MEGF6: variants seen among roughly 807,000 people sequenced by gnomAD.
MEGF6 encodes the protein multiple EGF like domains 6, also known as multiple epidermal growth factor-like domains protein 6.
In MEGF6, 184 loss-of-function variants were observed where a neutral mutation model predicts 207.1. That is an observed-to-expected ratio of 0.89 (90% confidence interval 0.79 to 1.00). The LOEUF (loss-of-function observed/expected upper bound fraction) is 1.00. Ranked by LOEUF, MEGF6 falls within the 50% of genes least tolerant of loss-of-function variation. The pLI is 0.00. For synonymous variants in MEGF6, 1,038 were observed against 910.0 expected, an observed-to-expected ratio of 1.14 and a Z score of -2.53; for missense variants, 2,282 against 2,202.9, an observed-to-expected ratio of 1.04 and a Z score of -0.72.
intron 4 of MEGF6, among the ~76,000 whole-genome samples, chr1:3,570,983 C>T (rs374398543): frequency 2.0e-5 from 3 of 152,198 alleles, no homozygotes; most frequent in Non-Finnish European, 2.9e-5. Context: ...CCTATCTCCC[C>T]CTCTGAGCCG....
chr1:3,571,199 CAG>C (rs756510771), intron 4 of MEGF6, among the ~76,000 whole-genome samples: 2 of 152,050 alleles, frequency 1.3e-5, no homozygotes, highest in Non-Finnish European at 2.9e-5. Flanking sequence ...GTCCAGAAAC[CAG>C]AGAGTGCTCC....
chr1:3,597,932 T>C (rs1644094361), intron 2 of MEGF6, among the ~76,000 whole-genome samples: 1 of 152,176 alleles, frequency 6.6e-6, no homozygotes. Flanking sequence ...GAGGCCTTTG[T>C]GTTTGCAAGG....
At chr1:3,515,852 G>A (rs894910485) in intron 5 of MEGF6, among the ~76,000 whole-genome samples, 2 of 152,228 alleles carry the variant, frequency 1.3e-5, no homozygotes, top group African/African-American at 4.8e-5. Context: ...CCCCAGCACA[G>A]AACACTAAGC....
Position 3,511,596 on chromosome 1 carries a change from T to G in MEGF6, c.1068A>C (p.Thr356=), listed in dbSNP as rs2820999. 0.34 allele frequency: 542,241 copies of G among 1,611,598 alleles called. 100,409 individuals are homozygous for G. Among genetic ancestry groups the G allele is most frequent in the African/African-American group, 0.71 (52,995 of 74,942 alleles). ...CSHTSAGPLC[T]CPRGYELDTD... ...TGTCCAGCTCGTAGCCGCGGGGACA[T>G]GTGCACAGGGGCCCAGCACTGGTGT... Residue 356 remains threonine, a synonymous_variant, in exon 9 of 37, where the codon ACA becomes ACC. Transcript: ENST00000356575.
intron 5 of MEGF6, among the ~76,000 whole-genome samples, chr1:3,523,074 C>CG (rs146272853): frequency 0.2 from 29,293 of 147,822 alleles, 2,905 homozygotes; most frequent in East Asian, 0.29. Flanking sequence ...GAGTGTGTGC[C>CG]GGGGGGGGGG....
chr1:3,537,029 G>A (rs1223366386), intron 4 of MEGF6, among the ~76,000 whole-genome samples: 10 of 152,256 alleles, frequency 6.6e-5, no homozygotes, highest in African/African-American at 7.2e-5. Context: ...GGCTGTCCAC[G>A]CTGCCCTGGC....
At chr1:3,491,854 G>C (rs528542849) in intron 35 of MEGF6, among the ~76,000 whole-genome samples, 153 of 151,760 alleles carry the variant, frequency 1.0e-3, no homozygotes, top group Middle Eastern at 3.4e-3. Context: ...TGCAGGCAGA[G>C]AGCACATTCC....
intron 3 of MEGF6, among the ~76,000 whole-genome samples, chr1:3,582,059 C>T (rs953468104): frequency 9.2e-5 from 14 of 152,246 alleles, no homozygotes; most frequent in Non-Finnish European, 1.6e-4. Flanking sequence ...TCAAGGCAGG[C>T]GGAGCTGACT....
intron 3 of MEGF6, among the ~76,000 whole-genome samples, chr1:3,584,632 T>G (rs1643868947): frequency 1.3e-5 from 2 of 151,992 alleles, no homozygotes; most frequent in Admixed American, 6.5e-5. Context: ...CACACCAGAG[T>G]CCCAGGGCAG....
chr1:3,605,571 TA>T (rs1644236565), intron 1 of MEGF6, among the ~76,000 whole-genome samples: 5 of 150,960 alleles, frequency 3.3e-5, no homozygotes, highest in Admixed American at 6.6e-5. Context: ...TACACTCACA[TA>T]CACACACATA....
the MEGF6 span, among the ~76,000 whole-genome samples, chr1:3,617,621 C>T: frequency 6.6e-6 from 1 of 152,158 alleles, no homozygotes; most frequent in East Asian, 1.9e-4. Flanking sequence ...CACATGGACC[C>T]CTGAACTTAA....
upstream of MEGF6, among the ~76,000 whole-genome samples, chr1:3,615,622 C>T (rs1019706078): frequency 1.4e-4 from 21 of 152,234 alleles, no homozygotes; most frequent in Admixed American, 4.6e-4. Context: ...GGAAGCAGGC[C>T]GAATGGAGGT....
rs375706797 is a variant in MEGF6 at position 3,553,879 on chromosome 1, A to G, written c.481+25946T>C. 3.7e-3 allele frequency among the ~76,000 whole-genome samples: 568 copies of G among 152,264 alleles called. 1 individual carries two copies. The highest frequency in any genetic ancestry group is 0.027 in the South Asian group (131 of 4,826). On this transcript the variant is annotated intron_variant, in intron 4 of 36. Transcript: ENST00000356575. ...ACTTCTGGGAACAGGTGGGCCCGGG[A>G]GCACCCCGTTGGCCAGCACACCAGA... is the stretch of plus-strand genomic sequence containing the variant.
intron 2 of MEGF6, 112 bp downstream of exon 2, chr1:3,602,354 G>T: frequency 6.8e-7 from 1 of 1,474,106 alleles, no homozygotes; most frequent in Non-Finnish European, 9.2e-7. Context: ...GGGGTTGCGT[G>T]TGGCCCTGAG....
intron 2 of MEGF6, among the ~76,000 whole-genome samples, chr1:3,602,048 C>G (rs1307735538): frequency 6.6e-6 from 1 of 152,218 alleles, no homozygotes; most frequent in African/African-American, 2.4e-5. Flanking sequence ...CACAGGCACT[C>G]AAGTTCGGTG....
At chr1:3,500,826 G>A (rs745490605) in intron 20 of MEGF6, 62 bp from the exon 21 acceptor site, 20 of 1,594,326 alleles carry the variant, frequency 1.3e-5, no homozygotes, top group Admixed American at 3.4e-5. Context: ...CACCACAGCC[G>A]AGTCAGGCAC....
chr1:3,608,913 G>A (rs540715159), intron 1 of MEGF6, among the ~76,000 whole-genome samples: 1 of 152,334 alleles, frequency 6.6e-6, no homozygotes, highest in South Asian at 2.1e-4. Flanking sequence ...CAGGGATGGG[G>A]CAAAGCACCT....
At chr1:3,562,401 C>A (rs1299971133) in intron 4 of MEGF6, among the ~76,000 whole-genome samples, 1 of 152,136 alleles carries the variant, frequency 6.6e-6, no homozygotes, top group Non-Finnish European at 1.5e-5. Context: ...TGTCTTTCCC[C>A]CAAGGGCACT....
At chr1:3,616,857 CTGGCT>C in the MEGF6 span, among the ~76,000 whole-genome samples, 330 of 152,328 alleles carry the variant, frequency 2.2e-3, 4 homozygotes, top group African/African-American at 7.2e-3. Flanking sequence ...CAACTGCCGC[CTGGCT>C]GGGATGTCTT....
Sources: gnomAD v4.1 joint callset for allele counts (sites outside exome capture counted in the v4.1 genomes callset) on GRCh38, gnomAD v4.1.1 for gene constraint, MANE v1.5 for transcripts, NCBI Gene and HGNC (gene_info 2026-07-23, HGNC 2026-07-21) for gene names.